The following TPO variants were observed in gnomAD, a reference collection of about 807,000 sequenced individuals.
The protein encoded by TPO is thyroid peroxidase, also known as thyroid microsomal antigen.
In TPO, 78 loss-of-function variants were observed where a neutral mutation model predicts 96.9. The observed-to-expected ratio is 0.81, with a 90% CI of 0.67 to 0.97. The LOEUF (loss-of-function observed/expected upper bound fraction) is 0.97. Among genes scored for constraint, TPO ranks in the 50% least tolerant of loss-of-function variants. The pLI is 0.00. For synonymous variants in TPO, 547 were observed against 538.0 expected, an observed-to-expected ratio of 1.02 and a Z score of -0.23; for missense variants, 1,252 against 1,274.8, an observed-to-expected ratio of 0.98 and a Z score of 0.27.
chr2:1,400,621 C>A (rs79645635), intron 1 of TPO, among the ~76,000 whole-genome samples: 143 of 126,598 alleles, frequency 1.1e-3, no homozygotes, highest in South Asian at 1.8e-3. Context: ...ACATGCGTCT[C>A]AAAAAAAAAA....
Position 1,493,928 on chromosome 2 carries a change from T to C in TPO, c.1895T>C (p.Ile632Thr). Residue 632 changes from isoleucine to threonine, a missense_variant, in exon 11 of 17, where the codon ATC becomes ACC. Transcript: ENST00000329066. ...ILDLYKHPDNIDVWLGGLAEN... is the reference protein window; with the variant it reads ...ILDLYKHPDNTDVWLGGLAEN... ...GACTTGTACAAGCATCCTGACAACA[T>C]CGATGTCTGGCTGGGAGGCTTAGCT... 6.2e-7 allele frequency: 1 copy of C among 1,614,092 alleles called. No homozygotes were observed. The highest frequency in any genetic ancestry group is 8.5e-7 in the Non-Finnish European group (1 of 1,180,028).
At chr2:1,459,853 GC>G (rs1668241344) in intron 7 of TPO, among the ~76,000 whole-genome samples, 3 of 152,136 alleles carry the variant, frequency 2.0e-5, no homozygotes, top group Non-Finnish European at 4.4e-5. Flanking sequence ...GAGACAGGGG[GC>G]CCCTTGCTCT....
chr2:1,460,451 T>A (rs1668319883), intron 7 of TPO, among the ~76,000 whole-genome samples: 1 of 152,170 alleles, frequency 6.6e-6, no homozygotes, highest in African/African-American at 2.4e-5. Flanking sequence ...CTATTATCTA[T>A]CAGGTCTTGG....
At chr2:1,481,851 G>T (rs1310571691) in intron 8 of TPO, among the ~76,000 whole-genome samples, 4 of 152,106 alleles carry the variant, frequency 2.6e-5, no homozygotes, top group South Asian at 2.1e-4. Flanking sequence ...CCTCTCCAGG[G>T]GTAGCTGTGG....
At chr2:1,421,482 C>A (rs534081123) in intron 2 of TPO, among the ~76,000 whole-genome samples, 3 of 152,322 alleles carry the variant, frequency 2.0e-5, no homozygotes, top group Admixed American at 6.5e-5. Context: ...ATGGCCGTCA[C>A]CCCTCTGCCA....
chr2:1,513,582 CAGG>C (rs2125060679), intron 14 of TPO: 1 of 152,360 alleles, frequency 6.6e-6, no homozygotes, highest in African/African-American at 2.4e-5. Flanking sequence ...TCCAGAGAAA[CAGG>C]AGCAATCAGA....
chr2:1,390,341 A>G (rs908203296), intron 1 of TPO, among the ~76,000 whole-genome samples: 8 of 152,238 alleles, frequency 5.3e-5, no homozygotes, highest in African/African-American at 1.9e-4. Flanking sequence ...TGCAAAGGAC[A>G]TGAACTCATC....
chr2:1,440,769 T>C (rs1473184643), intron 5 of TPO, among the ~76,000 whole-genome samples: 1 of 150,720 alleles, frequency 6.6e-6, no homozygotes, highest in Non-Finnish European at 1.5e-5. Context: ...GGACGTACTA[T>C]GTTGTAAGTG....
At chr2:1,419,744 G>C (rs1295349921) in intron 2 of TPO, among the ~76,000 whole-genome samples, 1 of 152,188 alleles carries the variant, frequency 6.6e-6, no homozygotes, top group Non-Finnish European at 1.5e-5. Context: ...TTCTTTTGCT[G>C]AGGGGCTGTG....
At chr2:1,393,336 A>G (rs992289715) in intron 1 of TPO, among the ~76,000 whole-genome samples, 7 of 152,174 alleles carry the variant, frequency 4.6e-5, no homozygotes, top group African/African-American at 1.7e-4. Context: ...GTCACCTCCC[A>G]CCAGGCCCAC....
chr2:1,488,440 G>T (rs1394927990), intron 10 of TPO, among the ~76,000 whole-genome samples: 1 of 152,098 alleles, frequency 6.6e-6, no homozygotes, highest in African/African-American at 2.4e-5. Flanking sequence ...GCCCCTGGCA[G>T]GAGTGGCTGC....
intron 3 of TPO, 45 bp downstream of exon 3, chr2:1,423,174 C>G (rs769248708): frequency 6.3e-7 from 1 of 1,577,058 alleles, no homozygotes; most frequent in Non-Finnish European, 8.7e-7. Flanking sequence ...CACCGACAGG[C>G]GCATCCTCCC....
chr2:1,485,982 A>G (rs942182824), intron 9 of TPO, among the ~76,000 whole-genome samples: 2 of 152,160 alleles, frequency 1.3e-5, no homozygotes, highest in African/African-American at 4.8e-5. Context: ...GCCCATGCCT[A>G]TGTCCTGAAT....
chr2:1,485,014 C>T (rs1334131408), intron 9 of TPO, among the ~76,000 whole-genome samples, 160 bp downstream of exon 9: 1 of 152,112 alleles, frequency 6.6e-6, no homozygotes, highest in Non-Finnish European at 1.5e-5. Context: ...CCCATTAACT[C>T]GTAATTTACA....
rs558743037 is a variant in TPO at position 1,396,883 on chromosome 2, G to A, written n.180+22481G>A. ...AAAGCCGCAGAAGTTTAATAGATGCGTTAAATAGTTAATGCATTATGTAGG... is the reference window on the plus strand; with the variant it reads ...AAAGCCGCAGAAGTTTAATAGATGCATTAAATAGTTAATGCATTATGTAGG... On this transcript the variant is annotated intron_variant and non_coding_transcript_variant, in intron 1 of 5. Transcript: ENST00000497517. Among the ~76,000 whole-genome samples, 180 of 152,318 alleles carry A rather than the reference G, an allele frequency of 1.2e-3. 1 individual carries two copies. Among genetic ancestry groups the A allele is most frequent in the African/African-American group, 4.1e-3 (171 of 41,568 alleles).
chr2:1,423,092 C>T lies in TPO; in HGVS notation c.142C>T (p.Arg48Cys). The T allele has an allele frequency of 1.2e-6, 2 of 1,614,124 alleles. No homozygotes were observed. Among genetic ancestry groups the T allele is most frequent in the South Asian group, 2.2e-5 (2 of 91,074 alleles). Reference sequence around the variant, plus strand: ...CTCTAGCGTCTTGGAGGAAAGCAAGCGCCTGGTGGACACCGCCATGTACGC... The same window carrying T: ...CTCTAGCGTCTTGGAGGAAAGCAAGTGCCTGGTGGACACCGCCATGTACGC... ...RVSSVLEESK[R>C]LVDTAMYATM... The change falls in exon 3 of 17, where the codon CGC becomes TGC. Residue 48 changes from arginine (R) to cysteine (C), a missense_variant. Transcript: ENST00000329066.
intron 13 of TPO, among the ~76,000 whole-genome samples, chr2:1,497,302 A>G (rs1010137856): frequency 1.3e-5 from 2 of 152,200 alleles, no homozygotes; most frequent in African/African-American, 4.8e-5. Flanking sequence ...GCAAGGCAAG[A>G]CAGCCGTGGG....
At chr2:1,498,487 G>A (rs1672572726) in intron 13 of TPO, among the ~76,000 whole-genome samples, 1 of 152,258 alleles carries the variant, frequency 6.6e-6, no homozygotes, top group Admixed American at 6.5e-5. Flanking sequence ...TGCTACATAG[G>A]TGAGGGGGTG....
chr2:1,514,474 C>T (rs963477145), intron 14 of TPO, among the ~76,000 whole-genome samples: 2 of 152,200 alleles, frequency 1.3e-5, no homozygotes, highest in African/African-American at 4.8e-5. Flanking sequence ...CTGCCCAAAC[C>T]CGATGCCGTT....
Sources: gnomAD v4.1 joint callset for allele counts (sites outside exome capture counted in the v4.1 genomes callset) on GRCh38, gnomAD v4.1.1 for gene constraint, MANE v1.5 for transcripts, NCBI Gene and HGNC (gene_info 2026-07-23, HGNC 2026-07-21) for gene names.